Variants in LPA observed in about 807,000 individuals in gnomAD.
The protein encoded by LPA is lipoprotein(a).
LPA carries 199 observed loss-of-function variants against 197.9 expected under a neutral mutation model. The observed-to-expected ratio is 1.01, with a 90% CI of 0.90 to 1.13. The LOEUF (loss-of-function observed/expected upper bound fraction) is 1.13, where lower values mean the gene tolerates loss of function less well. Among genes scored for constraint, LPA ranks in the 50% most tolerant of loss-of-function variants. The pLI, the probability that LPA is intolerant of heterozygous loss-of-function variation, is 0.00. For synonymous variants in LPA, 715 were observed against 639.5 expected (o/e 1.12, Z -1.78); for missense variants, 1,853 against 1,785.8 (o/e 1.04, Z -0.68).
Position 160,556,199 on chromosome 6 carries a change from A to G in LPA, c.4814-15T>C. ...CTCAGTTGGTGCTGAAAATAGACAA[A>G]ATCAAGCTGAGTAACTACTAGTATG... is the stretch of plus-strand genomic sequence containing the variant. On this transcript the variant is annotated splice_polypyrimidine_tract_variant and intron_variant, in intron 29 of 38. Coordinates refer to ENST00000316300, the MANE Select transcript of LPA (RefSeq NM_005577.4). 1 of 1,613,474 alleles carries G rather than the reference A, an allele frequency of 6.2e-7. No homozygotes were observed. The highest frequency in any genetic ancestry group is 1.3e-5 in the African/African-American group (1 of 74,940).
chr6:160,538,942 C>T (rs1205642753), intron 36 of LPA, among the ~76,000 whole-genome samples: 3 of 152,182 alleles, frequency 2.0e-5, no homozygotes, highest in Non-Finnish European at 4.4e-5. Context: ...CTTGTATTTG[C>T]ACATTTGCTG....
chr6:160,653,184 A>G (rs1780036547), intron 1 of LPA, among the ~76,000 whole-genome samples: 1 of 152,184 alleles, frequency 6.6e-6, no homozygotes, highest in Non-Finnish European at 1.5e-5. Flanking sequence ...TTCCAGAGAT[A>G]AGAAGAAACA....
chr6:160,539,791 T>G (rs1453920555), intron 36 of LPA, among the ~76,000 whole-genome samples: 1 of 152,106 alleles, frequency 6.6e-6, no homozygotes, highest in Non-Finnish European at 1.5e-5. Context: ...TGGTGAACAT[T>G]AAGTAAGTTT....
At chr6:160,559,221 T>C (rs1252701748) in intron 28 of LPA, among the ~76,000 whole-genome samples, 2 of 152,344 alleles carry the variant, frequency 1.3e-5, no homozygotes, top group East Asian at 3.9e-4. Flanking sequence ...ATACATTGGT[T>C]TCTTTCAACA....
chr6:160,586,415 C>A (rs768477904), intron 25 of LPA, 34 bp downstream of exon 25: 5 of 1,610,474 alleles, frequency 3.1e-6, no homozygotes, highest in Non-Finnish European at 4.2e-6. Flanking sequence ...TCCCAATGTC[C>A]GAGGGTATGG....
At chr6:160,558,165 C>T (rs1465564872) in intron 28 of LPA, among the ~76,000 whole-genome samples, 3 of 152,052 alleles carry the variant, frequency 2.0e-5, no homozygotes, top group Non-Finnish European at 2.9e-5. Flanking sequence ...GTGATCCACC[C>T]ACCTCGGCCT....
chr6:160,531,540 A>G lies in LPA; in HGVS notation c.*189T>C. The G allele has an allele frequency of 1.5e-6, 1 of 670,834 alleles. No homozygotes were observed. The highest frequency in any genetic ancestry group is 2.6e-6 in the Non-Finnish European group (1 of 378,442). 41.6% of individuals were successfully genotyped at this position (670,834 alleles called of 1,614,324 possible). ...ACAAATGTCATAGCTATGACACCTT[A>G]ATACAGAATTTGTCAGTCAGACCTT... On this transcript the variant is annotated 3_prime_UTR_variant, in exon 39 of 39. Transcript: ENST00000316300.
At chr6:160,535,173 CGAT>C (rs533770852) in intron 37 of LPA, among the ~76,000 whole-genome samples, 29 of 2,214 alleles carry the variant, frequency 0.013, 1 homozygote, top group African/African-American at 0.05. Context: ...ATGATGGTGA[CGAT>C]GGTGGTGATA....
At chr6:160,582,076 T>A (rs1276307718) in intron 26 of LPA, among the ~76,000 whole-genome samples, 1 of 152,104 alleles carries the variant, frequency 6.6e-6, no homozygotes, top group African/African-American at 2.4e-5. Flanking sequence ...TGTTCTTTGT[T>A]TTTAGGAGGA....
intron 26 of LPA, among the ~76,000 whole-genome samples, chr6:160,584,625 C>T (rs1354280509): frequency 6.6e-6 from 1 of 152,070 alleles, no homozygotes; most frequent in Non-Finnish European, 1.5e-5. Context: ...AGCCACTGCA[C>T]CCAGCCTGAA....
chr6:160,583,274 A>G (rs1183917613), intron 26 of LPA, among the ~76,000 whole-genome samples: 2 of 152,282 alleles, frequency 1.3e-5, no homozygotes, highest in African/African-American at 4.8e-5. Flanking sequence ...TGTGCATACT[A>G]TATAATTGAG....
At chr6:160,563,393 A>G (rs1469307717) in intron 28 of LPA, among the ~76,000 whole-genome samples, 1 of 152,168 alleles carries the variant, frequency 6.6e-6, no homozygotes, top group Non-Finnish European at 1.5e-5. Context: ...GAGTTTATTA[A>G]TCCTGAGTTC....
chr6:160,585,172 C>T lies in LPA; in HGVS notation c.4163G>A (p.Cys1388Tyr), dbSNP rs747468877. 7.4e-6 allele frequency: 12 copies of T among 1,613,692 alleles called. No homozygotes were observed. The highest frequency in any genetic ancestry group is 1.0e-5 in the Non-Finnish European group (12 of 1,179,794). Reference sequence around the variant, plus strand: ...ATAACTCTGTCCATCACCTCGGTAGCAGTCCTGGACCCCAGTGCTGTTTTC... The same window carrying T: ...ATAACTCTGTCCATCACCTCGGTAGTAGTCCTGGACCCCAGTGCTGTTTTC... ...PTENSTGVQD[C>Y]YRGDGQSYRG... The change falls in exon 26 of 39, where the codon TGC becomes TAC. Residue 1388 changes from cysteine (C) to tyrosine (Y), a missense_variant. Around this residue, in one of 3 missense-constraint regions of LPA, gnomAD observed 1,737 missense variants for 1,504.4 expected, o/e 1.15. Coordinates refer to ENST00000316300, the MANE Select transcript of LPA (RefSeq NM_005577.4).
chr6:160,610,425 G>C (rs1214491558), intron 16 of LPA, among the ~76,000 whole-genome samples: 6 of 152,148 alleles, frequency 3.9e-5, no homozygotes, highest in East Asian at 1.9e-4. Flanking sequence ...AATTGGCAAT[G>C]TGTTCCGTGA....
chr6:160,609,844 G>T (rs1779449264), intron 16 of LPA, among the ~76,000 whole-genome samples: 1 of 151,938 alleles, frequency 6.6e-6, no homozygotes, highest in Non-Finnish European at 1.5e-5. Flanking sequence ...ATGTGTGTGT[G>T]TGTGGCTCAT....
intron 28 of LPA, among the ~76,000 whole-genome samples, chr6:160,563,151 G>A (rs1170933149): frequency 3.9e-5 from 6 of 152,156 alleles, no homozygotes; most frequent in Admixed American, 3.3e-4. Flanking sequence ...TCTTTGAATT[G>A]TGATGTTAGG....
chr6:160,599,913 C>G (rs776668373), intron 19 of LPA, among the ~76,000 whole-genome samples: 1 of 152,174 alleles, frequency 6.6e-6, no homozygotes, highest in African/African-American at 2.4e-5. Context: ...CAGATTGCTT[C>G]TCATCGGAAA....
At chr6:160,660,991 G>T (rs1015898560) in intron 1 of LPA, among the ~76,000 whole-genome samples, 1 of 152,058 alleles carries the variant, frequency 6.6e-6, no homozygotes, top group Non-Finnish European at 1.5e-5. Flanking sequence ...CTGTTCAAAA[G>T]CTGCTTTCTG....
intron 28 of LPA, among the ~76,000 whole-genome samples, chr6:160,564,532 G>C (rs1057443232): frequency 2.0e-5 from 3 of 152,196 alleles, no homozygotes; most frequent in Admixed American, 1.3e-4. Context: ...GAGAGGGGAG[G>C]TTTCAAGATG....
Sources: gnomAD v4.1 joint callset for allele counts (sites outside exome capture counted in the v4.1 genomes callset) on GRCh38, gnomAD v4.1.1 for gene constraint, gnomAD v4.1.1 regional missense constraint, MANE v1.5 for transcripts, NCBI Gene and HGNC (gene_info 2026-07-23, HGNC 2026-07-21) for gene names.